Variants in THADA observed in about 807,000 individuals in gnomAD.
THADA encodes THADA armadillo repeat containing.
THADA carries 213 observed loss-of-function variants against 219.8 expected under a neutral mutation model. The ratio of observed to expected loss-of-function variants is 0.97; its 90% confidence interval spans 0.87 to 1.09. THADA has a LOEUF of 1.09. Ranked by LOEUF, THADA falls within the 50% of genes least tolerant of loss-of-function variation. THADA has a pLI of 0.00. For synonymous variants in THADA, 1,018 were observed against 828.9 expected, an observed-to-expected ratio of 1.23 and a Z score of -3.92; for missense variants, 2,956 against 2,311.3, an observed-to-expected ratio of 1.28 and a Z score of -5.72.
At position 43,292,176 on chromosome 2, in the gene THADA, T is replaced by G. The variant is rs1572940488; in HGVS notation, c.4865A>C (p.Gln1622Pro). The change falls in exon 33 of 38, where the codon CAG becomes CCG. Residue 1622 changes from glutamine to proline, a missense_variant. Gln to Pro is a moderately conservative substitution (Grantham distance 76). Coordinates refer to ENST00000405975, the MANE Select transcript of THADA (RefSeq NM_022065.5). ...HCMDPGEWLP[Q>P]TEHCVHLTPK... Reference sequence around the variant, plus strand: ...GGTCAGATGGACACAGTGCTCCGTCTGGGGAAGCCACTCACCAGGGTCCAT... The same window carrying G: ...GGTCAGATGGACACAGTGCTCCGTCGGGGGAAGCCACTCACCAGGGTCCAT... 6.2e-7 allele frequency: 1 copy of G among 1,612,316 alleles called. No individual in the cohort carries two copies. The highest frequency in any genetic ancestry group is 1.1e-5 in the South Asian group (1 of 90,538).
intron 26 of THADA, 43 bp downstream of exon 26, chr2:43,485,191 G>A (rs760064590): frequency 1.4e-6 from 2 of 1,476,032 alleles, no homozygotes; most frequent in Non-Finnish European, 1.9e-6. Flanking sequence ...GGACAATATT[G>A]TATTTTTTAA....
At chr2:43,324,124 T>C (rs969149403) in intron 30 of THADA, among the ~76,000 whole-genome samples, 7 of 152,182 alleles carry the variant, frequency 4.6e-5, no homozygotes, top group Admixed American at 2.6e-4. Flanking sequence ...TAAAGAGAAG[T>C]TGTTGAGAAA....
intron 36 of THADA, among the ~76,000 whole-genome samples, chr2:43,255,801 A>G: frequency 6.6e-6 from 1 of 152,214 alleles, no homozygotes; most frequent in Admixed American, 6.5e-5. Flanking sequence ...GACTTTGCTC[A>G]GCAAAAGGCA....
chr2:43,442,302 G>A (rs1680940684), intron 26 of THADA, among the ~76,000 whole-genome samples: 1 of 152,080 alleles, frequency 6.6e-6, no homozygotes, highest in Non-Finnish European at 1.5e-5. Flanking sequence ...TGGGCGTGGT[G>A]GTGCGTGCCT....
chr2:43,430,540 C>T, intron 26 of THADA: 2 of 522,860 alleles, frequency 3.8e-6, no homozygotes, highest in Non-Finnish European at 3.6e-6. Context: ...TGTATGTTTA[C>T]AAATATTTGA....
rs13424695 is a variant in THADA, at chr2:43,575,684, A to G, written c.1038-657T>C. Among the ~76,000 whole-genome samples, 1,224 of 152,150 alleles carry G rather than the reference A, an allele frequency of 8.0e-3. 17 individuals carry two copies. The highest frequency in any genetic ancestry group is 0.028 in the African/African-American group (1,180 of 41,498). On this transcript the variant is annotated intron_variant, in intron 10 of 37. Coordinates refer to ENST00000405975, the MANE Select transcript of THADA (RefSeq NM_022065.5). ...CCTCAGTAGCTGGGATTACAGGCGCATGCCCCCATGCCTAGATAATTTTTT... is the reference window on the plus strand; with the variant it reads ...CCTCAGTAGCTGGGATTACAGGCGCGTGCCCCCATGCCTAGATAATTTTTT...
intron 26 of THADA, among the ~76,000 whole-genome samples, chr2:43,451,228 C>G (rs1682281848): frequency 1.3e-5 from 2 of 152,248 alleles, no homozygotes; most frequent in South Asian, 4.1e-4. Context: ...TATCCTTAGG[C>G]AAGCACAGAT....
At chr2:43,556,129 T>C in intron 17 of THADA, 1 of 1,085,306 alleles carries the variant, frequency 9.2e-7, no homozygotes, top group Non-Finnish European at 1.2e-6. Context: ...TAAATATTTG[T>C]ATATGTACTT....
At position 43,508,132 on chromosome 2, in the gene THADA, T is replaced by C. The variant is rs897963389; in HGVS notation, c.3507+516A>G. ...TTCATCTAGAATATATGGATGATAA[T>C]AGGGTACAGGGAAGGAGTTAATGAG... On this transcript the variant is annotated intron_variant, in intron 23 of 37. Coordinates refer to ENST00000405975, the MANE Select transcript of THADA (RefSeq NM_022065.5). 3.3e-5 allele frequency among the ~76,000 whole-genome samples: 5 copies of C among 152,090 alleles called. No individual in the cohort carries two copies. In the East Asian group the frequency reaches 5.8e-4, roughly 18 times the overall value.
chr2:43,379,566 G>A (rs1671763355), intron 29 of THADA, among the ~76,000 whole-genome samples: 1 of 152,210 alleles, frequency 6.6e-6, no homozygotes, highest in Non-Finnish European at 1.5e-5. Context: ...GACAAGGACT[G>A]AGAGCAACAG....
At chr2:43,486,956 G>A (rs1192231769) in intron 25 of THADA, among the ~76,000 whole-genome samples, 1 of 152,154 alleles carries the variant, frequency 6.6e-6, no homozygotes, top group Non-Finnish European at 1.5e-5. Flanking sequence ...CTCAAGTCAT[G>A]CATGGTAGCC....
chr2:43,403,157 A>G (rs1675077465), intron 28 of THADA, among the ~76,000 whole-genome samples: 1 of 152,196 alleles, frequency 6.6e-6, no homozygotes, highest in African/African-American at 2.4e-5. Flanking sequence ...CTGCATTTTA[A>G]TTAGGGTCTG....
chr2:43,560,399 A>G lies in THADA; in HGVS notation c.2312-14T>C, dbSNP rs771628450. On this transcript the variant is annotated splice_polypyrimidine_tract_variant and intron_variant, in intron 15 of 37. Coordinates refer to ENST00000405975, the MANE Select transcript of THADA (RefSeq NM_022065.5). ...TATAAATTCTGCCTAAAAATATTTT[A>G]AAAACAAAAAGATTTAAAAGTGAAC... 6.7e-7 allele frequency: 1 copy of G among 1,498,722 alleles called. No individual in the cohort carries two copies. Among genetic ancestry groups the G allele is most frequent in the South Asian group, 1.4e-5 (1 of 72,982 alleles). 92.8% of individuals were successfully genotyped at this position (1,498,722 alleles called of 1,614,324 possible).
intron 19 of THADA, among the ~76,000 whole-genome samples, chr2:43,551,449 C>A (rs886565266): frequency 5.3e-5 from 8 of 151,982 alleles, no homozygotes; most frequent in African/African-American, 1.9e-4. Context: ...TTTGAGCATC[C>A]CATTGGTGTT....
chr2:43,556,220 T>C, intron 17 of THADA, 125 bp downstream of exon 17: 9 of 1,482,960 alleles, frequency 6.1e-6, no homozygotes, highest in Non-Finnish European at 2.7e-6. Flanking sequence ...CCCATGGTGC[T>C]CTTATATGCT....
intron 36 of THADA, among the ~76,000 whole-genome samples, chr2:43,267,729 G>GAAAGCAGAA (rs879552767): frequency 0.012 from 1,882 of 152,260 alleles, 35 homozygotes; most frequent in African/African-American, 0.043. Flanking sequence ...GAAAATGTCA[G>GAAAGCAGAA]AGCACCAAGA....
At chr2:43,268,861 A>C (rs751426399) in intron 36 of THADA, among the ~76,000 whole-genome samples, 1 of 152,162 alleles carries the variant, frequency 6.6e-6, no homozygotes, top group African/African-American at 2.4e-5. Flanking sequence ...GGTGCTCAGG[A>C]GGGATGCTCC....
chr2:43,380,920 G>A (rs535521589), intron 29 of THADA, among the ~76,000 whole-genome samples: 1 of 152,020 alleles, frequency 6.6e-6, no homozygotes, highest in South Asian at 2.1e-4. Context: ...CCAACATGCT[G>A]AAACCCCGTC....
At chr2:43,402,296 C>T (rs557143721) in intron 28 of THADA, among the ~76,000 whole-genome samples, 7 of 152,118 alleles carry the variant, frequency 4.6e-5, no homozygotes, top group South Asian at 2.1e-4. Context: ...CATTCACAGC[C>T]GAAGAGTGGC....
Sources: gnomAD v4.1 joint callset for allele counts (sites outside exome capture counted in the v4.1 genomes callset) on GRCh38, gnomAD v4.1.1 for gene constraint, MANE v1.5 for transcripts, NCBI Gene and HGNC (gene_info 2026-07-23, HGNC 2026-07-21) for gene names.